NCOA4: variants seen among roughly 807,000 people sequenced by gnomAD.
The protein encoded by NCOA4 is nuclear receptor coactivator 4.
In NCOA4, 31 loss-of-function variants were observed where a neutral mutation model predicts 69.5. That is an observed-to-expected ratio of 0.45 (90% confidence interval 0.34 to 0.60). The LOEUF (loss-of-function observed/expected upper bound fraction) is 0.60, where lower values mean the gene tolerates loss of function less well. NCOA4 is among the 20% of genes least tolerant of loss of function. NCOA4 has a pLI of 0.02. For missense variants in NCOA4, 600 were observed against 719.2 expected, an observed-to-expected ratio of 0.83 and a Z score of 1.90; for synonymous variants, 228 against 252.4, an observed-to-expected ratio of 0.90 and a Z score of 0.92.
chr10:46,022,882 C>T (rs1839968016), intron 1 of NCOA4, among the ~76,000 whole-genome samples: 1 of 152,144 alleles, frequency 6.6e-6, no homozygotes, highest in Admixed American at 6.6e-5. Flanking sequence ...GAATCTGGTT[C>T]TCTGTAATCT....
Position 46,014,855 on chromosome 10 carries a change from T to TC in NCOA4, c.369dup (p.Arg124GlufsTer8), listed in dbSNP as rs1554922690. 6.2e-7 allele frequency: 1 copy of TC among 1,612,690 alleles called. No individual in the cohort carries two copies. Among genetic ancestry groups the TC allele is most frequent in the Non-Finnish European group, 8.5e-7 (1 of 1,179,190 alleles). ...AAAATACGCAAAAAGGGTCATTACC[T>TC]CTCCAGGCACACAGAGACTTGATTG... On this transcript the variant is annotated frameshift_variant and splice_region_variant, in exon 4 of 10. Coordinates refer to ENST00000581486, the MANE Select transcript of NCOA4 (RefSeq NM_001145263.2). LOFTEE classifies it high-confidence loss of function.
intron 1 of NCOA4, among the ~76,000 whole-genome samples, chr10:46,020,618 G>A (rs782783622): frequency 3.2e-4 from 48 of 152,152 alleles, no homozygotes; most frequent in African/African-American, 5.8e-4. Context: ...TAAGGAGGTC[G>A]TGCTTATTTA....
chr10:46,014,070 A>G (rs1839391293), intron 5 of NCOA4, among the ~76,000 whole-genome samples: 1 of 152,014 alleles, frequency 6.6e-6, no homozygotes, highest in Non-Finnish European at 1.5e-5. Flanking sequence ...TTTGTCGCCC[A>G]GGTTGGAATG....
intron 7 of NCOA4, among the ~76,000 whole-genome samples, chr10:46,012,624 C>G (rs1451988732): frequency 6.6e-6 from 1 of 151,984 alleles, no homozygotes; most frequent in African/African-American, 2.4e-5. Flanking sequence ...AAATACTTCA[C>G]TTTTATTGTT....
At chr10:46,016,761 C>T (rs1287103862) in intron 1 of NCOA4, 67 bp from the exon 2 acceptor site, 3 of 1,167,542 alleles carry the variant, frequency 2.6e-6, no homozygotes, top group Non-Finnish European at 3.4e-6. Context: ...TTGAATCATC[C>T]CTCAAATGAT....
At chr10:46,009,003 T>C (rs1357779341) in intron 9 of NCOA4, 15 of 609,900 alleles carry the variant, frequency 2.5e-5, no homozygotes, top group Non-Finnish European at 4.0e-5. Flanking sequence ...CATAATGTTA[T>C]TGCAGACTTA....
chr10:46,010,691 G>A lies in NCOA4; in HGVS notation c.1230C>T (p.Cys410=). The A allele has an allele frequency of 6.2e-7, 1 of 1,614,048 alleles. No homozygotes were observed. Among genetic ancestry groups the A allele is most frequent in the Non-Finnish European group, 8.5e-7 (1 of 1,179,994 alleles). The stretch of plus-strand genomic sequence containing the variant: ...CACACACACACTCTGCAAAGCTTGT[G>A]CAGGGCTCATTGGCTCTGCACACCT... ...VEEVCRANEP[C]TSFAECVCDE... Residue 410 remains cysteine (C), a synonymous_variant, in exon 8 of 10, where the codon TGC becomes TGT. Coordinates refer to ENST00000581486, the MANE Select transcript of NCOA4 (RefSeq NM_001145263.2).
rs1238714973 is a variant in NCOA4, at chr10:46,006,153, CAAAAG to C, written c.*434_*438del. ...GAAAATAATTATTTCAGACCACTAACAAAAGAAAACCCACAGCAAGAGAAGCATCT... is the reference window on the plus strand; with the variant it reads ...GAAAATAATTATTTCAGACCACTAACAAAACCCACAGCAAGAGAAGCATCT... On this transcript the variant is annotated 3_prime_UTR_variant, in exon 10 of 10. Coordinates refer to ENST00000581486, the MANE Select transcript of NCOA4 (RefSeq NM_001145263.2). 10 of 231,492 alleles carry C rather than the reference CAAAAG, an allele frequency of 4.3e-5. No individual in the cohort carries two copies. The highest frequency in any genetic ancestry group is 1.7e-4 in the South Asian group (1 of 5,796). The allele number at this position is 231,492 out of a possible 1,614,324, so 14.3% of individuals were successfully genotyped here.
chr10:46,014,772 G>A (rs193255383), intron 4 of NCOA4, 82 bp downstream of exon 4: 83 of 1,103,280 alleles, frequency 7.5e-5, no homozygotes, highest in Middle Eastern at 6.0e-4. Context: ...TATAACACAA[G>A]CAATGAGTTA....
At chr10:46,009,902 C>T (rs185813584) in intron 8 of NCOA4, among the ~76,000 whole-genome samples, 3 of 152,254 alleles carry the variant, frequency 2.0e-5, no homozygotes, top group Admixed American at 6.5e-5. Context: ...TGTGGTGGAT[C>T]ACGCCTGTAA....
In NCOA4 at chr10:46,012,585, ATATG is replaced by A. The variant is rs1406350230; in HGVS notation, c.714+294_714+297del. ...GGACTTACAGAATGGTTCTTTTAAAATATGTATGTATAGAAAACTGAAGTATATA... is the reference window on the plus strand; with the variant it reads ...GGACTTACAGAATGGTTCTTTTAAAATATGTATAGAAAACTGAAGTATATA... On this transcript the variant is annotated intron_variant, in intron 7 of 9. Transcript: ENST00000581486. Among the ~76,000 whole-genome samples the A allele has an allele frequency of 8.7e-4, 133 of 152,216 alleles. 1 individual carries two copies. The highest frequency in any genetic ancestry group is 3.0e-3 in the African/African-American group (124 of 41,540).
rs782379123 is a variant in NCOA4 at position 46,006,597 on chromosome 10, T to G, written c.1840A>C (p.Met614Leu). 5.0e-6 allele frequency: 8 copies of G among 1,614,022 alleles called. No homozygotes were observed. Among genetic ancestry groups the G allele is most frequent in the Non-Finnish European group, 5.9e-6 (7 of 1,179,930 alleles). ...CTCAACTCTTGTCCATTCCTTCACATCTGTAAAGAGACACCCACAGATGAT... is the reference window on the plus strand; with the variant it reads ...CTCAACTCTTGTCCATTCCTTCACAGCTGTAAAGAGACACCCACAGATGAT... ...EKWLYRTPLQ[M>L] The change falls in exon 10 of 10, where the codon ATG becomes CTG. Residue 614 changes from methionine (M) to leucine (L), a missense_variant and splice_region_variant. Physicochemically the swap from Met to Leu is conservative, Grantham distance 15. Transcript: ENST00000581486.
At chr10:46,019,267 TTAG>T in intron 1 of NCOA4, 1 of 929,340 alleles carries the variant, frequency 1.1e-6, no homozygotes, top group Non-Finnish European at 1.3e-6. Flanking sequence ...GCTGCCTGTG[TTAG>T]GCAGAAGCAT....
intron 1 of NCOA4, chr10:46,023,220 G>C (rs1410984300): frequency 1.0e-6 from 1 of 960,100 alleles, no homozygotes; most frequent in African/African-American, 1.8e-5. Context: ...TCGCCGATTC[G>C]CACGCAGTTG....
At chr10:46,019,872 A>G (rs1439478000) in intron 1 of NCOA4, among the ~76,000 whole-genome samples, 4 of 152,218 alleles carry the variant, frequency 2.6e-5, no homozygotes, top group African/African-American at 9.6e-5. Context: ...CCACGAAGAA[A>G]ATCTGTTTCA....
rs1839175905 is a variant in NCOA4, at chr10:46,011,076, GAGAA to G, written c.841_844del (p.Phe281ProfsTer24). On this transcript the variant is annotated frameshift_variant, in exon 8 of 10. Transcript: ENST00000581486. LOFTEE classifies it high-confidence loss of function. ...ATCTCCAACCTTTTCCATTTCAATG[GAGAA>G]AGAACTAGTAGTGGAATGGCTGTTA... 6.2e-7 allele frequency: 1 copy of G among 1,613,918 alleles called. No individual in the cohort carries two copies. Among genetic ancestry groups the G allele is most frequent in the Non-Finnish European group, 8.5e-7 (1 of 1,179,846 alleles).
chr10:46,009,098 T>C (rs1225208637), intron 9 of NCOA4: 13 of 1,395,462 alleles, frequency 9.3e-6, no homozygotes, highest in African/African-American at 5.8e-5. Flanking sequence ...ATTTGCTTTA[T>C]TGCAGTGGCC....
At chr10:46,026,470 G>A (rs1554925543) in intron 1 of NCOA4, among the ~76,000 whole-genome samples, 1 of 152,116 alleles carries the variant, frequency 6.6e-6, no homozygotes, top group African/African-American at 2.4e-5. Flanking sequence ...GAATATTGGG[G>A]GGACTATATT....
rs1370509404 is a variant in NCOA4 at position 46,030,584 on chromosome 10, C to G, written c.-73G>C. On this transcript the variant is annotated 5_prime_UTR_variant, in exon 1 of 10. Transcript: ENST00000581486. ...GACCTTGGGTGGACTGAGACACGGC[C>G]CCACACTAACCTACGGCCCAAAGGC... 6.6e-6 allele frequency: 1 copy of G among 152,322 alleles called. No homozygotes were observed. Among genetic ancestry groups the G allele is most frequent in the Non-Finnish European group, 1.5e-5 (1 of 68,122 alleles). 9.4% of individuals were successfully genotyped at this position (152,322 alleles called of 1,614,324 possible). A position where few individuals can be genotyped will look rare whatever the true frequency, so the allele number is the denominator to read the frequency against.
Sources: gnomAD v4.1 joint callset for allele counts (sites outside exome capture counted in the v4.1 genomes callset) on GRCh38, gnomAD v4.1.1 for gene constraint, MANE v1.5 for transcripts, NCBI Gene and HGNC (gene_info 2026-07-23, HGNC 2026-07-21) for gene names.